PCLO: variants seen among roughly 807,000 people sequenced by gnomAD.
The protein encoded by PCLO is piccolo presynaptic cytomatrix protein.
A neutral mutation model predicts 427.5 loss-of-function variants in PCLO; 82 were observed. That is an observed-to-expected ratio of 0.19 (90% CI 0.16 to 0.23). The LOEUF is 0.23. Ranked by LOEUF, PCLO falls within the 10% of genes least tolerant of loss-of-function variation. PCLO has a pLI of 1.00. For synonymous variants in PCLO, 2,357 were observed against 2,155.4 expected (o/e 1.09, Z -2.59); for missense variants, 6,239 against 6,115.9 (o/e 1.02, Z -0.67).
intron 6 of PCLO, among the ~76,000 whole-genome samples, chr7:82,923,218 C>G (rs1345220879): frequency 1.3e-5 from 2 of 151,850 alleles, no homozygotes; most frequent in Non-Finnish European, 2.9e-5. Context: ...GGTATTTAAA[C>G]AGGAGAATGC....
At chr7:82,849,659 T>C (rs1792597836) in intron 10 of PCLO, among the ~76,000 whole-genome samples, 1 of 152,142 alleles carries the variant, frequency 6.6e-6, no homozygotes, top group African/African-American at 2.4e-5. Context: ...AATATGGCAT[T>C]TCGAATATAT....
At chr7:83,060,850 G>A (rs1789526153) in intron 3 of PCLO, among the ~76,000 whole-genome samples, 2 of 152,088 alleles carry the variant, frequency 1.3e-5, no homozygotes, top group African/African-American at 4.8e-5. Flanking sequence ...ACTTTCTGAT[G>A]GGTGATGTAA....
chr7:83,096,782 TA>T (rs1189749359), intron 3 of PCLO, among the ~76,000 whole-genome samples: 1 of 117,888 alleles, frequency 8.5e-6, no homozygotes, highest in African/African-American at 3.4e-5. Flanking sequence ...TTATATAATA[TA>T]AATATATATA....
At chr7:82,844,150 C>T (rs1428217889) in intron 13 of PCLO, among the ~76,000 whole-genome samples, 2 of 151,994 alleles carry the variant, frequency 1.3e-5, no homozygotes, top group Admixed American at 6.6e-5. Flanking sequence ...GAAACATCTA[C>T]AAAACAGAAT....
intron 9 of PCLO, among the ~76,000 whole-genome samples, chr7:82,893,837 G>A (rs1410140612): frequency 6.6e-6 from 1 of 151,866 alleles, no homozygotes; most frequent in Non-Finnish European, 1.5e-5. Flanking sequence ...GTTCTCAGAT[G>A]AGTAATTCTG....
chr7:82,796,892 G>C (rs1350241202), intron 22 of PCLO, among the ~76,000 whole-genome samples: 1 of 150,502 alleles, frequency 6.6e-6, no homozygotes, highest in Non-Finnish European at 1.5e-5. Flanking sequence ...TTAATATAGT[G>C]TTTTGCATAT....
At chr7:83,142,319 C>T (rs1312023924) in intron 2 of PCLO, among the ~76,000 whole-genome samples, 2 of 152,116 alleles carry the variant, frequency 1.3e-5, no homozygotes, top group African/African-American at 4.8e-5. Flanking sequence ...CTGTTGGGCT[C>T]TTACTTTTAA....
At chr7:83,086,200 T>C (rs567219405) in intron 3 of PCLO, among the ~76,000 whole-genome samples, 1 of 152,022 alleles carries the variant, frequency 6.6e-6, no homozygotes, top group African/African-American at 2.4e-5. Context: ...AACCTCCACC[T>C]ACCAGACTCA....
At chr7:82,895,353 G>A (rs909358449) in intron 9 of PCLO, among the ~76,000 whole-genome samples, 5 of 151,872 alleles carry the variant, frequency 3.3e-5, no homozygotes, top group Non-Finnish European at 5.9e-5. Context: ...AGTTTTAAAT[G>A]TCTATGTCAC....
chr7:83,067,563 C>A (rs1012767885), intron 3 of PCLO, among the ~76,000 whole-genome samples: 1 of 152,164 alleles, frequency 6.6e-6, no homozygotes, highest in Non-Finnish European at 1.5e-5. Flanking sequence ...TGAAGCCACA[C>A]TGAACACCCT....
At position 82,951,939 on chromosome 7, in the gene PCLO, A is replaced by G. The variant is rs772647473; in HGVS notation, c.9014T>C (p.Phe3005Ser). Reference protein sequence around the residue: ...SDTNLAEAGHFFYKSKNAFDY... With the variant: ...SDTNLAEAGHSFYKSKNAFDY... ...AAAAGCATTCTTACTTTTATAGAAAAAATGTCCAGCTTCTGCTAAATTTGT... is the reference window on the plus strand; with the variant it reads ...AAAAGCATTCTTACTTTTATAGAAAGAATGTCCAGCTTCTGCTAAATTTGT... The change falls in exon 5 of 25, where the codon TTT becomes TCT. Residue 3005 changes from phenylalanine to serine, a missense_variant. By Grantham distance (155) the Phe-to-Ser change is radical. Around this residue, in one of 5 missense-constraint regions of PCLO, gnomAD observed 4,677 missense variants for 4,468.4 expected, o/e 1.05. Transcript: ENST00000333891. 3 of 1,613,794 alleles carry G rather than the reference A, an allele frequency of 1.9e-6. No individual in the cohort carries two copies. The South Asian group carries it at 3.3e-5, about 18-fold the overall frequency.
At chr7:83,112,632 T>C (rs1014286577) in intron 3 of PCLO, among the ~76,000 whole-genome samples, 6 of 152,184 alleles carry the variant, frequency 3.9e-5, no homozygotes, top group Non-Finnish European at 8.8e-5. Context: ...CTTTCCAAAG[T>C]ATACTCATTT....
At chr7:82,877,300 G>A (rs1016779533) in intron 10 of PCLO, among the ~76,000 whole-genome samples, 1 of 151,904 alleles carries the variant, frequency 6.6e-6, no homozygotes, top group Non-Finnish European at 1.5e-5. Context: ...AAAAGTACAC[G>A]GTATTTTATT....
chr7:82,859,672 C>T (rs765360128), intron 10 of PCLO, among the ~76,000 whole-genome samples: 1 of 152,032 alleles, frequency 6.6e-6, no homozygotes, highest in Non-Finnish European at 1.5e-5. Context: ...ACAGTAAATA[C>T]CTAAGGGTCT....
intron 20 of PCLO, among the ~76,000 whole-genome samples, chr7:82,816,843 AAGAAC>A (rs1372880174): frequency 6.6e-6 from 1 of 152,142 alleles, no homozygotes; most frequent in East Asian, 1.9e-4. Flanking sequence ...ACTACTGGAA[AAGAAC>A]AGAAGTACCC....
chr7:82,909,005 G>C lies in PCLO; in HGVS notation c.13309C>G (p.Leu4437Val). ...HAMSDSEAYHLRREETDWFDK... is the reference protein window; with the variant it reads ...HAMSDSEAYHVRREETDWFDK... Reference sequence around the variant, plus strand: ...AACCAATCTGTTTCCTCACGACGCAGATGATAGGCTTTGGACACCAAGGAA... The same window carrying C: ...AACCAATCTGTTTCCTCACGACGCACATGATAGGCTTTGGACACCAAGGAA... The change falls in exon 8 of 25, where the codon CTG becomes GTG. Residue 4437 changes from leucine to valine, a missense_variant. Physicochemically the swap from Leu to Val is conservative, Grantham distance 32. Around this residue, in one of 5 missense-constraint regions of PCLO, gnomAD observed 877 missense variants for 925.5 expected, o/e 0.95. Transcript: ENST00000333891. 1 of 1,612,548 alleles carries C rather than the reference G, an allele frequency of 6.2e-7. No homozygotes were observed. Among genetic ancestry groups the C allele is most frequent in the Non-Finnish European group, 8.5e-7 (1 of 1,179,082 alleles).
chr7:83,066,655 T>C (rs909408910), intron 3 of PCLO, among the ~76,000 whole-genome samples: 8 of 152,162 alleles, frequency 5.3e-5, no homozygotes, highest in African/African-American at 1.9e-4. Flanking sequence ...GTTTAGATTA[T>C]TGAAATAGCC....
chr7:83,038,435 T>C (rs1225186128), intron 3 of PCLO, among the ~76,000 whole-genome samples: 1 of 151,836 alleles, frequency 6.6e-6, no homozygotes, highest in Non-Finnish European at 1.5e-5. Context: ...TCTATCTCTA[T>C]AAATTTGATA....
Position 82,845,444 on chromosome 7 carries a change from C to A in PCLO, c.13873G>T (p.Ala4625Ser). The change falls in exon 13 of 25, where the codon GCA becomes TCA. Residue 4625 changes from alanine (A) to serine (S), a missense_variant. This residue lies in a region of PCLO where 877 missense variants were observed against 925.5 expected (regional missense o/e 0.95). Coordinates refer to ENST00000333891, the MANE Select transcript of PCLO (RefSeq NM_033026.6). ...AGTGAAACCTTCTGGAGTTCTGCTGCCAACTGCTTAGGATCAACCCCTGGG... is the reference window on the plus strand; with the variant it reads ...AGTGAAACCTTCTGGAGTTCTGCTGACAACTGCTTAGGATCAACCCCTGGG... ...KSPGVDPKQL[A>S]AELQKVSLQQ... 6.2e-7 allele frequency: 1 copy of A among 1,613,080 alleles called. No individual in the cohort carries two copies. The highest frequency in any genetic ancestry group is 8.5e-7 in the Non-Finnish European group (1 of 1,179,482).
Sources: allele counts gnomAD v4.1 joint callset (sites outside exome capture counted in the v4.1 genomes callset), GRCh38; gene constraint gnomAD v4.1.1; regional missense constraint gnomAD v4.1.1; transcripts MANE v1.5; gene names NCBI Gene and HGNC (gene_info 2026-07-23, HGNC 2026-07-21).